The following RIMS1 variants were observed in gnomAD, a reference collection of about 807,000 sequenced individuals.
RIMS1 encodes the protein regulating synaptic membrane exocytosis 1.
In RIMS1, 83 loss-of-function variants were observed where a neutral mutation model predicts 214.1. The ratio of observed to expected loss-of-function variants is 0.39; its 90% CI spans 0.32 to 0.47. The LOEUF (loss-of-function observed/expected upper bound fraction) is 0.47, where lower values mean the gene tolerates loss of function less well. Ranked by LOEUF, RIMS1 falls within the 20% of genes least tolerant of loss-of-function variation. The probability of loss-of-function intolerance (pLI) is 0.99; values close to 1 mark genes in which losing one functional copy is unlikely to be tolerated. For missense variants in RIMS1, 2,050 were observed against 2,161.8 expected (o/e 0.95, Z 1.03); for synonymous variants, 793 against 786.8 (o/e 1.01, Z -0.13).
intron 2 of RIMS1, among the ~76,000 whole-genome samples, chr6:72,046,012 A>G (rs1365971562): frequency 6.6e-6 from 1 of 152,078 alleles, no homozygotes; most frequent in African/African-American, 2.4e-5. Flanking sequence ...TCTTTGGAAT[A>G]ATGTCAAAGA....
intron 6 of RIMS1, among the ~76,000 whole-genome samples, chr6:72,211,685 T>A (rs908279222): frequency 6.6e-6 from 1 of 152,146 alleles, no homozygotes; most frequent in Non-Finnish European, 1.5e-5. Flanking sequence ...AAAGTCAGAT[T>A]AATTTTGCAT....
intron 1 of RIMS1, among the ~76,000 whole-genome samples, chr6:71,898,226 A>G (rs1430660543): frequency 6.6e-6 from 1 of 152,186 alleles, no homozygotes; most frequent in African/African-American, 2.4e-5. Context: ...GAAATAAAAC[A>G]TCACTAACTT....
intron 2 of RIMS1, among the ~76,000 whole-genome samples, chr6:71,982,939 G>T (rs756311990): frequency 1.3e-5 from 2 of 152,018 alleles, no homozygotes; most frequent in Non-Finnish European, 2.9e-5. Context: ...TGGTCTAAAT[G>T]TTTTACAAAA....
chr6:72,140,612 A>G (rs964085470), intron 4 of RIMS1, among the ~76,000 whole-genome samples: 1 of 152,042 alleles, frequency 6.6e-6, no homozygotes, highest in Non-Finnish European at 1.5e-5. Flanking sequence ...AGTGTGTGAG[A>G]AAAAGCACTT....
chr6:72,272,501 C>T (rs765172556), intron 22 of RIMS1, among the ~76,000 whole-genome samples: 4 of 152,112 alleles, frequency 2.6e-5, no homozygotes, highest in Non-Finnish European at 2.9e-5. Flanking sequence ...TACAAATATA[C>T]GTGTATTAAA....
At chr6:71,965,950 AG>A (rs1451982459) in intron 1 of RIMS1, among the ~76,000 whole-genome samples, 1 of 152,160 alleles carries the variant, frequency 6.6e-6, no homozygotes, top group African/African-American at 2.4e-5. Context: ...TTAAAGTATT[AG>A]GGGTTTATAT....
intron 6 of RIMS1, among the ~76,000 whole-genome samples, chr6:72,193,748 T>C (rs893744581): frequency 1.3e-5 from 2 of 152,172 alleles, no homozygotes; most frequent in African/African-American, 2.4e-5. Flanking sequence ...GCATCTATAA[T>C]AGGATGCTAA....
intron 1 of RIMS1, among the ~76,000 whole-genome samples, chr6:71,954,492 T>G (rs1790587235): frequency 1.3e-5 from 2 of 152,190 alleles, no homozygotes; most frequent in Admixed American, 1.3e-4. Flanking sequence ...TTAACTGTAT[T>G]TACATTTATC....
At chr6:72,347,120 A>G (rs1402277055) in intron 29 of RIMS1, among the ~76,000 whole-genome samples, 1 of 151,800 alleles carries the variant, frequency 6.6e-6, no homozygotes. Context: ...CTTGTTAGAC[A>G]CAGTGATTCT....
Position 72,153,555 on chromosome 6 carries a change from C to T in RIMS1, c.472-26020C>T, listed in dbSNP as rs367934892. The stretch of plus-strand genomic sequence containing the variant: ...CTCTAAAAATACTGAAGTAAATAAT[C>T]TATAGATTTTTTACAATAAATTATG... On this transcript the variant is annotated intron_variant, in intron 4 of 33. Coordinates refer to ENST00000521978, the MANE Select transcript of RIMS1 (RefSeq NM_014989.7). Among the ~76,000 whole-genome samples, 5 of 151,968 alleles carry T rather than the reference C, an allele frequency of 3.3e-5. No individual in the cohort carries two copies. The East Asian group carries it at 7.7e-4, about 23-fold the overall frequency.
chr6:72,103,235 C>A (rs2034015611), intron 4 of RIMS1, among the ~76,000 whole-genome samples: 1 of 152,038 alleles, frequency 6.6e-6, no homozygotes, highest in Non-Finnish European at 1.5e-5. Flanking sequence ...ATTGCAGAAA[C>A]TTTTATGGAA....
chr6:72,261,931 T>A (rs886088225), intron 19 of RIMS1: 1 of 984,478 alleles, frequency 1.0e-6, no homozygotes, highest in Non-Finnish European at 1.2e-6. Context: ...AAGCATGAAC[T>A]ATCCAGGTTT....
chr6:72,341,581 A>T (rs2097094781), intron 29 of RIMS1, among the ~76,000 whole-genome samples: 1 of 151,868 alleles, frequency 6.6e-6, no homozygotes, highest in Non-Finnish European at 1.5e-5. Flanking sequence ...TATCTGCAGT[A>T]CTATCCCAGG....
At chr6:72,332,186 G>C (rs1047668571) in intron 28 of RIMS1, among the ~76,000 whole-genome samples, 7 of 151,744 alleles carry the variant, frequency 4.6e-5, no homozygotes, top group African/African-American at 1.7e-4. Context: ...ATATCAGCTA[G>C]TGTGTATTTT....
intron 29 of RIMS1, among the ~76,000 whole-genome samples, chr6:72,386,784 A>C (rs1461721243): frequency 7.9e-6 from 1 of 126,200 alleles, no homozygotes; most frequent in African/African-American, 3.2e-5. Flanking sequence ...CCCAGGCTGG[A>C]GTGCAATGGC....
chr6:72,213,198 A>G (rs2054163629), intron 6 of RIMS1: 7 of 1,536,582 alleles, frequency 4.6e-6, no homozygotes, highest in Non-Finnish European at 6.1e-6. Flanking sequence ...AGAGGGAACA[A>G]TTGAAGCTCG....
intron 23 of RIMS1, among the ~76,000 whole-genome samples, chr6:72,278,617 T>C (rs1239970096): frequency 6.6e-6 from 1 of 152,150 alleles, no homozygotes; most frequent in African/African-American, 2.4e-5. Flanking sequence ...TTATTTCTTT[T>C]TGTTCTATAA....
chr6:71,948,249 T>G (rs72932157), intron 1 of RIMS1, among the ~76,000 whole-genome samples: 10,025 of 152,276 alleles, frequency 0.066, 385 homozygotes, highest in Non-Finnish European at 0.08. Flanking sequence ...ATCATTAGTG[T>G]TGTTCATCAG....
intron 28 of RIMS1, among the ~76,000 whole-genome samples, chr6:72,315,175 G>A (rs1327349718): frequency 6.6e-6 from 1 of 152,130 alleles, no homozygotes; most frequent in Non-Finnish European, 1.5e-5. Flanking sequence ...GGAGAACATG[G>A]CAACTCAACA....
Sources: gnomAD v4.1 joint callset for allele counts (sites outside exome capture counted in the v4.1 genomes callset) on GRCh38, gnomAD v4.1.1 for gene constraint, MANE v1.5 for transcripts, NCBI Gene and HGNC (gene_info 2026-07-23, HGNC 2026-07-21) for gene names.